SRGAP1: variants seen among roughly 807,000 people sequenced by gnomAD.
SRGAP1 encodes the protein SLIT-ROBO Rho GTPase-activating protein 1.
Under a neutral mutation model 121.9 loss-of-function variants are expected in SRGAP1, and 43 were observed. That is an observed-to-expected ratio of 0.35 (90% CI 0.28 to 0.46). The LOEUF (loss-of-function observed/expected upper bound fraction) is 0.46, where lower values mean the gene tolerates loss of function less well. Among genes scored for constraint, SRGAP1 ranks in the 20% least tolerant of loss-of-function variants. SRGAP1 has a pLI of 1.00. For synonymous variants in SRGAP1, 447 were observed against 485.4 expected (o/e 0.92, Z 1.04); for missense variants, 1,102 against 1,350.9 (o/e 0.82, Z 2.89).
In SRGAP1 at chr12:64,126,119, C is replaced by T. The variant is rs766056847; in HGVS notation, c.2367C>T (p.Asp789=). 2.2e-5 allele frequency: 35 copies of T among 1,614,038 alleles called. No homozygotes were observed. The highest frequency in any genetic ancestry group is 6.7e-5 in the Admixed American group (4 of 60,000). Residue 789 remains aspartate, a synonymous_variant, in exon 19 of 22, where the codon GAC becomes GAT. Transcript: ENST00000355086. ...DWWEGRHNGI[D]GLVPHQYIVV... Reference sequence around the variant, plus strand: ...GGGAAGGCAGGCACAACGGGATTGACGGGCTGGTGCCTCACCAGTATATAG... The same window carrying T: ...GGGAAGGCAGGCACAACGGGATTGATGGGCTGGTGCCTCACCAGTATATAG...
In SRGAP1 at chr12:64,148,780, G is replaced by T. The variant is rs1312560232; in HGVS notation, c.*6108G>T. 2 of 152,194 alleles carry T rather than the reference G, an allele frequency of 1.3e-5. No individual in the cohort carries two copies. Among genetic ancestry groups the T allele is most frequent in the Non-Finnish European group, 2.9e-5 (2 of 68,026 alleles). 9.4% of individuals were successfully genotyped at this position (152,194 alleles called of 1,614,324 possible). On this transcript the variant is annotated 3_prime_UTR_variant, in exon 22 of 22. Transcript: ENST00000355086. ...TAACAAAAGTGTGCAAATCATTAGTGTAACAGTTCTCACGAGCTGACACAC... is the reference window on the plus strand; with the variant it reads ...TAACAAAAGTGTGCAAATCATTAGTTTAACAGTTCTCACGAGCTGACACAC...
At chr12:63,902,524 T>A (rs1195766286) in intron 1 of SRGAP1, among the ~76,000 whole-genome samples, 1 of 152,210 alleles carries the variant, frequency 6.6e-6, no homozygotes, top group East Asian at 1.9e-4. Context: ...ATCATGCTTT[T>A]ACTGCCTATT....
At chr12:63,993,204 C>A (rs1278328566) in intron 3 of SRGAP1, among the ~76,000 whole-genome samples, 2 of 147,354 alleles carry the variant, frequency 1.4e-5, no homozygotes, top group African/African-American at 5.0e-5. Context: ...TCTTTCCTGC[C>A]TTTTTTTTTT....
chr12:63,948,847 A>ATATATATATATTCCATATATATG (rs2032140874), intron 1 of SRGAP1, among the ~76,000 whole-genome samples: 4 of 121,706 alleles, frequency 3.3e-5, no homozygotes, highest in Admixed American at 2.6e-4. Flanking sequence ...CCATATATAT[A>ATATATATATATTCCATATATATG]TTTTCCATAT....
chr12:64,126,485 G>GT (rs2036689701), intron 19 of SRGAP1, among the ~76,000 whole-genome samples: 1 of 152,184 alleles, frequency 6.6e-6, no homozygotes, highest in Non-Finnish European at 1.5e-5. Context: ...TCTGTTTACC[G>GT]TTTCAATTCC....
Position 64,115,893 on chromosome 12 carries a change from G to T in SRGAP1, c.2224G>T (p.Glu742Ter). The change falls in exon 18 of 22, where the codon GAA becomes TAA. Residue 742 changes from glutamate to a stop codon, truncating the protein, a stop_gained and splice_region_variant. Transcript: ENST00000355086. LOFTEE classifies it high-confidence loss of function. ...AGTEPHTSEDECEPIEAIAKF... is the reference protein window; with the variant it reads ...AGTEPHTSED ...TACAGAGCCCCACACAAGTGAAGAT[G>T]GTATGCTCTCCCCTTATGCTATTAT... The T allele has an allele frequency of 6.2e-7, 1 of 1,610,258 alleles. No individual in the cohort carries two copies. The highest frequency in any genetic ancestry group is 1.1e-5 in the South Asian group (1 of 90,442).
At chr12:64,112,679 A>G (rs1261818423) in intron 17 of SRGAP1, among the ~76,000 whole-genome samples, 2 of 152,180 alleles carry the variant, frequency 1.3e-5, no homozygotes, top group Admixed American at 6.6e-5. Context: ...ATTGTGACTA[A>G]TGCTACAATA....
intron 15 of SRGAP1, among the ~76,000 whole-genome samples, chr12:64,105,599 C>T (rs699628): frequency 1.3e-4 from 20 of 152,056 alleles, no homozygotes; most frequent in African/African-American, 4.6e-4. Flanking sequence ...ACCTGGACAA[C>T]GTGGCAAAAT....
chr12:63,935,397 A>T (rs958868273), intron 1 of SRGAP1, among the ~76,000 whole-genome samples: 5 of 152,156 alleles, frequency 3.3e-5, no homozygotes, highest in Non-Finnish European at 4.4e-5. Flanking sequence ...CACTTTGAAA[A>T]TGTGACTTGG....
At chr12:64,065,866 T>C (rs2035530873) in intron 8 of SRGAP1, among the ~76,000 whole-genome samples, 1 of 152,224 alleles carries the variant, frequency 6.6e-6, no homozygotes, top group African/African-American at 2.4e-5. Flanking sequence ...TGAATGAGGA[T>C]AGAAAATGTT....
At chr12:64,043,064 G>A (rs2136506347) in intron 5 of SRGAP1, 92 bp downstream of exon 5, 2 of 886,654 alleles carry the variant, frequency 2.3e-6, no homozygotes, top group Non-Finnish European at 1.8e-6. Flanking sequence ...CACATTGTAA[G>A]TTATTGTGAA....
chr12:64,122,627 C>T (rs540178481), intron 18 of SRGAP1, among the ~76,000 whole-genome samples: 174 of 152,270 alleles, frequency 1.1e-3, no homozygotes, highest in African/African-American at 3.9e-3. Flanking sequence ...AGGCCAGGCC[C>T]AGTGGCTTAC....
At chr12:64,076,106 G>A (rs75942786) in intron 8 of SRGAP1, among the ~76,000 whole-genome samples, 60 of 152,150 alleles carry the variant, frequency 3.9e-4, no homozygotes, top group Non-Finnish European at 7.4e-4. Flanking sequence ...ATAAAATCCA[G>A]AGATTCTGAG....
intron 4 of SRGAP1, among the ~76,000 whole-genome samples, chr12:64,040,622 G>GA (rs1425547696): frequency 6.6e-6 from 1 of 152,098 alleles, no homozygotes; most frequent in Non-Finnish European, 1.5e-5. Context: ...AATTATATTG[G>GA]AAAAATTATG....
chr12:64,108,948 T>C lies in SRGAP1; in HGVS notation c.1830T>C (p.Tyr610=), dbSNP rs763721431. Residue 610 remains tyrosine, a synonymous_variant, in exon 16 of 22, where the codon TAT becomes TAC. Coordinates refer to ENST00000355086, the MANE Select transcript of SRGAP1 (RefSeq NM_020762.4). ...TGTCTGTAGGAATAGATAATCTCTATGAGAGGGCGCTTCACATCCGCAAAC... is the reference window on the plus strand; with the variant it reads ...TGTCTGTAGGAATAGATAATCTCTACGAGAGGGCGCTTCACATCCGCAAAC... ...LISCIRIDNL[Y]ERALHIRKLL... is the part of the protein sequence containing the mutation. 1.2e-6 allele frequency: 2 copies of C among 1,603,284 alleles called. No homozygotes were observed. Among genetic ancestry groups the C allele is most frequent in the South Asian group, 1.1e-5 (1 of 89,394 alleles).
At position 63,844,776 on chromosome 12, in the gene SRGAP1, C is replaced by A; in HGVS notation, c.-41C>A. The stretch of plus-strand genomic sequence containing the variant: ...AGGAGAACGGGTTGTGACCACTGAA[C>A]AAAACTTGCCCATTGAAAGCAAACC... On this transcript the variant is annotated 5_prime_UTR_variant, in exon 1 of 22. Coordinates refer to ENST00000355086, the MANE Select transcript of SRGAP1 (RefSeq NM_020762.4). This position sits in a 1 kb window ranked among gnomAD's most constrained non-coding sequence, Gnocchi z 4.3. The A allele has an allele frequency of 6.2e-7, 1 of 1,607,778 alleles. No homozygotes were observed. The highest frequency in any genetic ancestry group is 8.5e-7 in the Non-Finnish European group (1 of 1,174,196).
intron 1 of SRGAP1, among the ~76,000 whole-genome samples, chr12:63,920,842 A>G (rs2031011942): frequency 6.6e-6 from 1 of 152,152 alleles, no homozygotes; most frequent in Non-Finnish European, 1.5e-5. Context: ...AGATCCATTG[A>G]CGAAATGGGA....
chr12:64,083,778 G>A (rs184919982), intron 10 of SRGAP1, among the ~76,000 whole-genome samples: 1 of 152,266 alleles, frequency 6.6e-6, no homozygotes, highest in East Asian at 1.9e-4. Context: ...TTGGAGTTAA[G>A]GGGGTGCAAA....
chr12:64,125,542 G>T (rs1462035642), intron 18 of SRGAP1, among the ~76,000 whole-genome samples: 1 of 152,126 alleles, frequency 6.6e-6, no homozygotes, highest in Non-Finnish European at 1.5e-5. Flanking sequence ...CTGAGATGGT[G>T]ATTTTTTTCC....
Sources: gnomAD v4.1 joint callset for allele counts (sites outside exome capture counted in the v4.1 genomes callset) on GRCh38, gnomAD v4.1.1 for gene constraint, Gnocchi (gnomAD v3.1) non-coding constraint, MANE v1.5 for transcripts, NCBI Gene and HGNC (gene_info 2026-07-23, HGNC 2026-07-21) for gene names.